TMEM74: variants seen among roughly 807,000 people sequenced by gnomAD.
TMEM74 encodes transmembrane protein 74.
A neutral mutation model predicts 18.1 loss-of-function variants in TMEM74; 13 were observed. The ratio of observed to expected loss-of-function variants is 0.72; its 90% CI spans 0.47 to 1.14. TMEM74 has a LOEUF of 1.14. Ranked by LOEUF, TMEM74 falls within the 50% of genes most tolerant of loss-of-function variation. The pLI is 0.00. For missense variants in TMEM74, 372 were observed against 375.9 expected, an observed-to-expected ratio of 0.99 and a Z score of 0.09; for synonymous variants, 159 against 146.6, an observed-to-expected ratio of 1.08 and a Z score of -0.61.
chr8:108,640,758 G>T (rs1812657765), intron 2 of TMEM74, among the ~76,000 whole-genome samples: 1 of 152,056 alleles, frequency 6.6e-6, no homozygotes, highest in South Asian at 2.1e-4. Context: ...GGCCTAGTTG[G>T]TATCTTGGGA....
intron 1 of TMEM74, among the ~76,000 whole-genome samples, chr8:108,717,466 A>G (rs540215148): frequency 7.9e-5 from 12 of 152,160 alleles, no homozygotes; most frequent in South Asian, 2.1e-4. Flanking sequence ...AAGGACAAAA[A>G]TCTCTGTTCA....
intron 1 of TMEM74, among the ~76,000 whole-genome samples, chr8:108,660,624 C>T (rs1270913858): frequency 1.3e-5 from 2 of 152,144 alleles, no homozygotes; most frequent in African/African-American, 2.4e-5. Context: ...TAACGTGATA[C>T]TGTTTAAACC....
chr8:108,673,281 A>T (rs574369057), intron 1 of TMEM74, among the ~76,000 whole-genome samples: 2 of 152,326 alleles, frequency 1.3e-5, no homozygotes, highest in South Asian at 2.1e-4. Context: ...TGTGGTAGTC[A>T]GTACCTGCCT....
At chr8:108,739,099 A>G (rs889738395) in intron 1 of TMEM74, among the ~76,000 whole-genome samples, 1 of 152,194 alleles carries the variant, frequency 6.6e-6, no homozygotes, top group Non-Finnish European at 1.5e-5. Flanking sequence ...GGGGGCCATA[A>G]TTAGTTATCT....
At position 108,694,874 on chromosome 8, in the gene TMEM74, C is replaced by T. The variant is rs549003735; in HGVS notation, n.120-39437G>A. Among the ~76,000 whole-genome samples, 8 of 152,180 alleles carry T rather than the reference C, an allele frequency of 5.3e-5. No homozygotes were observed. The East Asian group carries it at 5.8e-4, about 11-fold the overall frequency. ...GAAGAGAACATAGTTGTGGAGTGGG[C>T]GAAGCAAAGACAAACTGGAAGCTGA... On this transcript the variant is annotated intron_variant and non_coding_transcript_variant, in intron 1 of 3. Coordinates refer to the TMEM74 transcript ENST00000518838.
intron 1 of TMEM74, among the ~76,000 whole-genome samples, chr8:108,725,737 T>C (rs1163573553): frequency 3.3e-5 from 5 of 152,352 alleles, no homozygotes; most frequent in African/African-American, 1.2e-4. Context: ...AGAAGCTTTC[T>C]GTTTTTATTT....
At chr8:108,615,617 T>C (rs965318300) in intron 2 of TMEM74, among the ~76,000 whole-genome samples, 7 of 152,012 alleles carry the variant, frequency 4.6e-5, no homozygotes, top group African/African-American at 1.7e-4. Flanking sequence ...TGGAGATCAA[T>C]ACCGGTGGAA....
At chr8:108,777,046 T>C (rs982565783), downstream of TMEM74, among the ~76,000 whole-genome samples, 1 of 152,170 alleles carries the variant, frequency 6.6e-6, no homozygotes, top group Admixed American at 6.5e-5. Flanking sequence ...CAGAAAAGGA[T>C]TTGTTTTCAT....
intron 1 of TMEM74, among the ~76,000 whole-genome samples, chr8:108,715,079 T>C (rs1384455877): frequency 1.3e-5 from 2 of 152,246 alleles, no homozygotes; most frequent in Non-Finnish European, 2.9e-5. Flanking sequence ...CTGTATAAAA[T>C]TTCCTTTGTA....
intron 1 of TMEM74, among the ~76,000 whole-genome samples, chr8:108,701,588 T>C (rs980770794): frequency 6.6e-6 from 1 of 152,208 alleles, no homozygotes; most frequent in African/African-American, 2.4e-5. Context: ...ATTGCTTTCC[T>C]ATATACCAGC....
At chr8:108,623,987 C>A (rs1246875145) in intron 2 of TMEM74, among the ~76,000 whole-genome samples, 1 of 152,012 alleles carries the variant, frequency 6.6e-6, no homozygotes, top group Admixed American at 6.6e-5. Context: ...CTTTGGGAGA[C>A]ATAATAAGAT....
chr8:108,736,406 G>T (rs1483574493), intron 1 of TMEM74, among the ~76,000 whole-genome samples: 6 of 152,062 alleles, frequency 3.9e-5, no homozygotes, highest in African/African-American at 1.4e-4. Context: ...GTTCTCTGAT[G>T]ATCCTATATA....
chr8:108,766,716 C>G (rs1814111605), intron 1 of TMEM74, among the ~76,000 whole-genome samples: 1 of 152,286 alleles, frequency 6.6e-6, no homozygotes, highest in South Asian at 2.1e-4. Context: ...AGTAGGCTGT[C>G]TGCAAGTTGA....
intron 2 of TMEM74, among the ~76,000 whole-genome samples, chr8:108,653,522 G>A (rs115236507): frequency 8.9e-4 from 136 of 152,190 alleles, no homozygotes; most frequent in African/African-American, 3.2e-3. Flanking sequence ...TTTATATTAA[G>A]TAAAAAAGTT....
chr8:108,637,689 A>G (rs917269144), intron 2 of TMEM74, among the ~76,000 whole-genome samples: 3 of 152,184 alleles, frequency 2.0e-5, no homozygotes, highest in Non-Finnish European at 4.4e-5. Context: ...TAGAGCCTAC[A>G]GAAGGAAAGA....
intron 1 of TMEM74, among the ~76,000 whole-genome samples, chr8:108,756,599 A>AAAGAAAGAGAAAGGGAGGAAGG (rs1586286218): frequency 5.0e-4 from 26 of 51,552 alleles, no homozygotes; most frequent in East Asian, 1.8e-3. Flanking sequence ...AAAGAAAGAG[A>AAAGAAAGAGAAAGGGAGGAAGG]AAGGAAGGAA....
At chr8:108,695,679 C>T (rs1215542577) in intron 1 of TMEM74, among the ~76,000 whole-genome samples, 1 of 152,176 alleles carries the variant, frequency 6.6e-6, no homozygotes, top group Non-Finnish European at 1.5e-5. Flanking sequence ...CCACCTTGAT[C>T]TTCTCCCAAT....
At chr8:108,742,346 T>G (rs1813809384) in intron 1 of TMEM74, among the ~76,000 whole-genome samples, 1 of 152,196 alleles carries the variant, frequency 6.6e-6, no homozygotes, top group African/African-American at 2.4e-5. Context: ...GCCTTATGCA[T>G]GTATTACCTA....
At chr8:108,720,578 A>G (rs1415365251) in intron 1 of TMEM74, among the ~76,000 whole-genome samples, 1 of 152,210 alleles carries the variant, frequency 6.6e-6, no homozygotes, top group African/African-American at 2.4e-5. Flanking sequence ...AATTCAAACA[A>G]ATTAGGTAGT....
Sources: allele counts gnomAD v4.1 joint callset (sites outside exome capture counted in the v4.1 genomes callset), GRCh38; gene constraint gnomAD v4.1.1; transcripts MANE v1.5; gene names NCBI Gene and HGNC (gene_info 2026-07-23, HGNC 2026-07-21).